The following PLA2G7 variants were observed in gnomAD, a reference collection of about 807,000 sequenced individuals.
PLA2G7 encodes platelet-activating factor acetylhydrolase.
PLA2G7 carries 63 observed loss-of-function variants against 49.6 expected under a neutral mutation model. The observed-to-expected ratio is 1.27, with a 90% CI of 1.04 to 1.57. PLA2G7 has a LOEUF of 1.57. PLA2G7 is among the 40% of genes most tolerant of loss of function. The pLI, the probability that PLA2G7 is intolerant of heterozygous loss-of-function variation, is 0.00. For missense variants in PLA2G7, 596 were observed against 521.2 expected (o/e 1.14, Z -1.40); for synonymous variants, 193 against 169.9 (o/e 1.14, Z -1.06).
intron 1 of PLA2G7, among the ~76,000 whole-genome samples, chr6:46,728,912 T>A (rs1279539764): frequency 6.6e-6 from 1 of 152,368 alleles, no homozygotes; most frequent in East Asian, 1.9e-4. Flanking sequence ...GTTTGAATCT[T>A]GAATCTGCTA....
chr6:46,705,957 G>A (rs752222152), intron 10 of PLA2G7, among the ~76,000 whole-genome samples: 7 of 151,786 alleles, frequency 4.6e-5, no homozygotes, highest in Non-Finnish European at 8.8e-5. Context: ...CCCTTCTGAC[G>A]CTAACCACTC....
chr6:46,714,594 G>C (rs771057754), intron 4 of PLA2G7, 41 bp from the exon 5 acceptor site: 8 of 1,136,560 alleles, frequency 7.0e-6, no homozygotes, highest in Non-Finnish European at 1.1e-5. Flanking sequence ...TTTTCTCTGA[G>C]TGTTGCTAGT....
At chr6:46,704,933 A>C (rs1242857301) in intron 11 of PLA2G7, among the ~76,000 whole-genome samples, 1 of 152,208 alleles carries the variant, frequency 6.6e-6, no homozygotes, top group Non-Finnish European at 1.5e-5. Context: ...GGCTTCATAC[A>C]AAGAATATTA....
Position 46,715,213 on chromosome 6 carries a change from CT to C in PLA2G7, c.377-661del, listed in dbSNP as rs61228054. On this transcript the variant is annotated intron_variant, in intron 4 of 11. Transcript: ENST00000274793. ...TCTGAAACCAAACTACCCATAAAACCTTGGATACATTACACTAAGAGCCAGA... is the reference window on the plus strand; with the variant it reads ...TCTGAAACCAAACTACCCATAAAACCTGGATACATTACACTAAGAGCCAGA... Among the ~76,000 whole-genome samples the C allele has an allele frequency of 2.9e-3, 436 of 152,232 alleles. 1 individual carries two copies. The highest frequency in any genetic ancestry group is 0.01 in the African/African-American group (419 of 41,538).
upstream of PLA2G7, chr6:46,735,652 T>A (rs1479071935): frequency 1.3e-5 from 2 of 152,434 alleles, no homozygotes; most frequent in Non-Finnish European, 2.9e-5. Context: ...CCGATCAGAT[T>A]TACTCCCTGC....
chr6:46,705,121 T>C, intron 11 of PLA2G7, 32 bp downstream of exon 11: 1 of 1,512,374 alleles, frequency 6.6e-7, no homozygotes, highest in South Asian at 1.1e-5. Context: ...GAGATTCATC[T>C]GGTTTAGGTC....
At chr6:46,728,336 A>G (rs1765632018) in intron 1 of PLA2G7, among the ~76,000 whole-genome samples, 3 of 152,200 alleles carry the variant, frequency 2.0e-5, no homozygotes, top group African/African-American at 7.2e-5. Flanking sequence ...GCATCTAGTG[A>G]GTAGCAGTCA....
intron 2 of PLA2G7, among the ~76,000 whole-genome samples, chr6:46,718,507 CTCT>C (rs1301522156): frequency 6.6e-6 from 1 of 152,172 alleles, no homozygotes; most frequent in African/African-American, 2.4e-5. Flanking sequence ...CATACTCTTC[CTCT>C]TCTTCTTCCC....
intron 2 of PLA2G7, among the ~76,000 whole-genome samples, chr6:46,718,802 T>C (rs1169301367): frequency 1.3e-5 from 2 of 152,220 alleles, no homozygotes; most frequent in African/African-American, 4.8e-5. Context: ...AACTTATGTG[T>C]CTGCATGCTA....
chr6:46,707,919 A>G (rs997936104), intron 10 of PLA2G7, 72 bp downstream of exon 10: 7 of 934,056 alleles, frequency 7.5e-6, no homozygotes, highest in Non-Finnish European at 1.0e-5. Context: ...AATAGTTACC[A>G]AATGATATCG....
chr6:46,707,911 T>C, intron 10 of PLA2G7, 80 bp downstream of exon 10: 1 of 857,086 alleles, frequency 1.2e-6, no homozygotes, highest in Non-Finnish European at 1.9e-6. Flanking sequence ...AATTCTTTAA[T>C]AGTTACCAAA....
intron 2 of PLA2G7, among the ~76,000 whole-genome samples, chr6:46,721,042 C>CT (rs1447431482): frequency 1.3e-5 from 2 of 151,924 alleles, no homozygotes; most frequent in African/African-American, 4.8e-5. Flanking sequence ...TATATGCATT[C>CT]TTTTTTTGTT....
chr6:46,705,802 T>A (rs556425043), intron 10 of PLA2G7, among the ~76,000 whole-genome samples: 28 of 152,374 alleles, frequency 1.8e-4, no homozygotes, highest in Admixed American at 4.6e-4. Context: ...AAATATCATT[T>A]GCACTGCTCT....
intron 5 of PLA2G7, 126 bp from the exon 6 acceptor site, chr6:46,712,463 G>A: frequency 5.7e-6 from 4 of 707,794 alleles, no homozygotes; most frequent in Non-Finnish European, 7.8e-6. Flanking sequence ...GGAGTGGAGA[G>A]CTACGGTTCT....
At position 46,704,376 on chromosome 6, in the gene PLA2G7, T is replaced by C. The variant is rs1266189566; in HGVS notation, c.*184A>G. On this transcript the variant is annotated 3_prime_UTR_variant, in exon 12 of 12. Coordinates refer to ENST00000274793, the MANE Select transcript of PLA2G7 (RefSeq NM_005084.4). ...AAGGGAAAAAATTCTTAGTCCAAGC[T>C]TCAATCACGATTACAGTATAGCCTA... The C allele has an allele frequency of 1.9e-5, 11 of 591,742 alleles. No homozygotes were observed. Among genetic ancestry groups the C allele is most frequent in the African/African-American group, 1.1e-4 (6 of 53,712 alleles). The allele number at this position is 591,742 out of a possible 1,614,324, so 36.7% of individuals were successfully genotyped here. A position where few individuals can be genotyped will look rare whatever the true frequency, so the allele number is the denominator to read the frequency against.
rs1307585332 is a variant in PLA2G7 at position 46,705,134 on chromosome 6, G to T, written c.1189+19C>A. The T allele has an allele frequency of 7.0e-6, 11 of 1,581,436 alleles. No individual in the cohort carries two copies. Among genetic ancestry groups the T allele is most frequent in the African/African-American group, 2.7e-5 (2 of 74,160 alleles). ...CTGAGATTCATCTGGTTTAGGTCAT[G>T]AAAAAAATAGTTTCTTACCTAAATG... On this transcript the variant is annotated intron_variant, in intron 11 of 11. Coordinates refer to ENST00000274793, the MANE Select transcript of PLA2G7 (RefSeq NM_005084.4).
At chr6:46,710,186 T>C (rs1764964346) in intron 8 of PLA2G7, among the ~76,000 whole-genome samples, 2 of 152,280 alleles carry the variant, frequency 1.3e-5, no homozygotes, top group South Asian at 2.1e-4. Context: ...CTCTGTCTGA[T>C]ATTTTTCCAC....
chr6:46,721,554 G>A (rs1403695963), intron 2 of PLA2G7, among the ~76,000 whole-genome samples: 5 of 151,308 alleles, frequency 3.3e-5, no homozygotes, highest in Non-Finnish European at 4.4e-5. Context: ...CCCGAATGAT[G>A]ATTTTCCCAC....
chr6:46,725,423 G>A (rs45600531), intron 1 of PLA2G7, among the ~76,000 whole-genome samples: 317 of 151,986 alleles, frequency 2.1e-3, no homozygotes, highest in African/African-American at 7.0e-3. Flanking sequence ...GTAGAGATGG[G>A]GTTTCACCAT....
Sources: allele counts gnomAD v4.1 joint callset (sites outside exome capture counted in the v4.1 genomes callset), GRCh38; gene constraint gnomAD v4.1.1; transcripts MANE v1.5; gene names NCBI Gene and HGNC (gene_info 2026-07-23, HGNC 2026-07-21).